The following GABBR2 variants were observed in gnomAD, a reference collection of about 807,000 sequenced individuals.
GABBR2 encodes the protein gamma-aminobutyric acid type B receptor subunit 2, also known as G-protein coupled receptor 51.
GABBR2 carries 23 observed loss-of-function variants against 105.6 expected under a neutral mutation model. The ratio of observed to expected loss-of-function variants is 0.22; its 90% CI spans 0.16 to 0.31. The LOEUF (loss-of-function observed/expected upper bound fraction) is 0.31, where lower values mean the gene tolerates loss of function less well. Ranked by LOEUF, GABBR2 falls within the 10% of genes least tolerant of loss-of-function variation. The pLI is 1.00. For synonymous variants in GABBR2, 478 were observed against 499.7 expected (o/e 0.96, Z 0.58); for missense variants, 734 against 1,245.5 (o/e 0.59, Z 6.18).
chr9:98,686,894 T>G (rs1830627691), intron 1 of GABBR2, among the ~76,000 whole-genome samples: 1 of 151,730 alleles, frequency 6.6e-6, no homozygotes, highest in Non-Finnish European at 1.5e-5. Flanking sequence ...CCCTCCAAGC[T>G]CTGCCTCTCC....
chr9:98,530,036 G>A (rs1454498122), intron 3 of GABBR2, among the ~76,000 whole-genome samples: 2 of 152,152 alleles, frequency 1.3e-5, no homozygotes, highest in Admixed American at 1.3e-4. Flanking sequence ...CCTGGCAGAT[G>A]GGCCTTGGGG....
At chr9:98,700,734 T>C (rs1830819302) in intron 1 of GABBR2, among the ~76,000 whole-genome samples, 1 of 152,204 alleles carries the variant, frequency 6.6e-6, no homozygotes, top group African/African-American at 2.4e-5. Context: ...CCATTGACTA[T>C]TTCTGGCCAG....
chr9:98,530,539 A>T (rs1564105455), intron 3 of GABBR2, among the ~76,000 whole-genome samples: 1 of 152,216 alleles, frequency 6.6e-6, no homozygotes, highest in East Asian at 1.9e-4. Context: ...GCACTTTGGG[A>T]GGCCAAGGTG....
intron 2 of GABBR2, among the ~76,000 whole-genome samples, chr9:98,551,110 C>T (rs993527139): frequency 1.3e-5 from 2 of 152,132 alleles, no homozygotes; most frequent in African/African-American, 4.8e-5. Context: ...GTGATTAATA[C>T]TTTCAGACAG....
chr9:98,578,856 C>A (rs1464633923), intron 1 of GABBR2, among the ~76,000 whole-genome samples: 1 of 152,220 alleles, frequency 6.6e-6, no homozygotes, highest in South Asian at 2.1e-4. Flanking sequence ...ATAAGCCATA[C>A]AAAAAGACAG....
At chr9:98,647,430 A>G (rs1285427474) in intron 1 of GABBR2, among the ~76,000 whole-genome samples, 1 of 152,206 alleles carries the variant, frequency 6.6e-6, no homozygotes, top group African/African-American at 2.4e-5. Flanking sequence ...GAAGATGTAG[A>G]GGGCTTTGGA....
intron 13 of GABBR2, among the ~76,000 whole-genome samples, chr9:98,355,567 A>G (rs1227214893): frequency 1.3e-5 from 2 of 152,226 alleles, no homozygotes; most frequent in African/African-American, 4.8e-5. Flanking sequence ...ATGAAAGAAA[A>G]TAAAAAAAGA....
intron 3 of GABBR2, among the ~76,000 whole-genome samples, chr9:98,497,394 C>T (rs944427785): frequency 6.6e-6 from 1 of 151,628 alleles, no homozygotes; most frequent in Non-Finnish European, 1.5e-5. Context: ...ATATAAAATC[C>T]CCTAATTTTT....
At chr9:98,406,926 A>G (rs1832500303) in intron 7 of GABBR2, among the ~76,000 whole-genome samples, 1 of 152,214 alleles carries the variant, frequency 6.6e-6, no homozygotes, top group South Asian at 2.1e-4. Context: ...CACACACTAT[A>G]TCACTGAATC....
chr9:98,495,670 TGGGCTCCTGTAGGA>T lies in GABBR2; in HGVS notation c.732+729_732+742del, dbSNP rs893399894. ...CCTCTGATCTTCCCTCCTACCGTGC[TGGGCTCCTGTAGGA>T]GGGGATCCCTCTCTTCCTCCTCCAC... On this transcript the variant is annotated intron_variant, in intron 4 of 18. Coordinates refer to ENST00000259455, the MANE Select transcript of GABBR2 (RefSeq NM_005458.8). 1.1e-4 allele frequency among the ~76,000 whole-genome samples: 17 copies of T among 152,306 alleles called. No individual in the cohort carries two copies. The East Asian group carries it at 2.1e-3, about 19-fold the overall frequency.
intron 1 of GABBR2, among the ~76,000 whole-genome samples, chr9:98,623,984 G>T (rs1385504979): frequency 3.3e-5 from 5 of 152,144 alleles, no homozygotes; most frequent in Non-Finnish European, 5.9e-5. Context: ...CTCACATGGG[G>T]CAAGTGGCTG....
chr9:98,424,548 G>A (rs1472664647), intron 7 of GABBR2, among the ~76,000 whole-genome samples: 2 of 151,428 alleles, frequency 1.3e-5, no homozygotes, highest in African/African-American at 4.9e-5. Context: ...AATTGCCCCT[G>A]TTTGCAGACG....
In GABBR2 at chr9:98,390,375, CAAAAAAA is replaced by C. The variant is rs61216428; in HGVS notation, c.1379-1378_1379-1372del. ...GGTGACAGAGCAAGACTCCATCTCA[CAAAAAAA>C]AAAAAAAAAAAAAAAAAAAATAGAG... On this transcript the variant is annotated intron_variant, in intron 9 of 18. Coordinates refer to ENST00000259455, the MANE Select transcript of GABBR2 (RefSeq NM_005458.8). Among the ~76,000 whole-genome samples the C allele has an allele frequency of 5.9e-4, 19 of 32,442 alleles. 1 individual carries two copies. Among genetic ancestry groups the C allele is most frequent in the African/African-American group, 1.0e-3 (10 of 9,934 alleles). The allele number at this position is 32,442 out of a possible 152,430, so 21.3% of individuals were successfully genotyped here.
At chr9:98,676,697 A>G (rs567422825) in intron 1 of GABBR2, among the ~76,000 whole-genome samples, 3 of 152,354 alleles carry the variant, frequency 2.0e-5, no homozygotes, top group African/African-American at 7.2e-5. Flanking sequence ...CGATGGGACA[A>G]CAAGAGTTAA....
chr9:98,567,613 G>A (rs1376328648), intron 2 of GABBR2, among the ~76,000 whole-genome samples: 2 of 152,280 alleles, frequency 1.3e-5, no homozygotes, highest in Non-Finnish European at 2.9e-5. Flanking sequence ...CACCACCTGA[G>A]ATCTTAGTGG....
intron 3 of GABBR2, among the ~76,000 whole-genome samples, chr9:98,521,502 G>A (rs1431868784): frequency 6.6e-6 from 1 of 152,176 alleles, no homozygotes; most frequent in Non-Finnish European, 1.5e-5. Context: ...AACAAGCAAA[G>A]CCTATTGAAG....
chr9:98,502,209 C>T (rs950187364), intron 3 of GABBR2, among the ~76,000 whole-genome samples: 1 of 152,120 alleles, frequency 6.6e-6, no homozygotes. Flanking sequence ...GAAGGGAGTG[C>T]AGGTAAACGG....
intron 2 of GABBR2, among the ~76,000 whole-genome samples, chr9:98,542,504 T>C (rs1424868473): frequency 1.3e-5 from 2 of 152,232 alleles, no homozygotes; most frequent in African/African-American, 4.8e-5. Flanking sequence ...TTTGGGGTTA[T>C]TTCGATTATT....
rs564452867 is a variant in GABBR2 at position 98,345,492 on chromosome 9, A to G, written c.1893+17223T>C. On this transcript the variant is annotated intron_variant, in intron 13 of 18. Transcript: ENST00000259455. ...AACTTTTTAAGAAAAGAAAAGATACATTAACCTACTTAATGGTGAAAAACT... is the reference window on the plus strand; with the variant it reads ...AACTTTTTAAGAAAAGAAAAGATACGTTAACCTACTTAATGGTGAAAAACT... 2.0e-5 allele frequency among the ~76,000 whole-genome samples: 3 copies of G among 152,358 alleles called. No individual in the cohort carries two copies. The East Asian group carries it at 5.8e-4, about 29-fold the overall frequency.
Sources: allele counts gnomAD v4.1 joint callset (sites outside exome capture counted in the v4.1 genomes callset), GRCh38; gene constraint gnomAD v4.1.1; transcripts MANE v1.5; gene names NCBI Gene and HGNC (gene_info 2026-07-23, HGNC 2026-07-21).